The following NPAS3 variants were observed in gnomAD, a reference collection of about 807,000 sequenced individuals.
NPAS3 encodes neuronal PAS domain protein 3.
NPAS3 carries 14 observed loss-of-function variants against 73.1 expected under a neutral mutation model. The observed-to-expected ratio is 0.19, with a 90% CI of 0.13 to 0.30. The LOEUF is 0.30. Ranked by LOEUF, NPAS3 falls within the 10% of genes least tolerant of loss-of-function variation. The probability of loss-of-function intolerance (pLI) is 1.00; values close to 1 mark genes in which losing one functional copy is unlikely to be tolerated. For missense variants in NPAS3, 1,096 were observed against 1,250.0 expected, an observed-to-expected ratio of 0.88 and a Z score of 1.86; for synonymous variants, 620 against 541.5, an observed-to-expected ratio of 1.14 and a Z score of -2.01.
At chr14:33,099,760 C>G (rs145940125) in intron 2 of NPAS3, among the ~76,000 whole-genome samples, 15 of 152,038 alleles carry the variant, frequency 9.9e-5, no homozygotes, top group African/African-American at 3.6e-4. Context: ...AATTATATAC[C>G]TATGTATATA....
chr14:33,681,470 T>C (rs922890956), intron 6 of NPAS3, among the ~76,000 whole-genome samples: 1 of 152,240 alleles, frequency 6.6e-6, no homozygotes. Context: ...ATGGATTTAA[T>C]ATTAGCGCTG....
chr14:33,236,912 G>A (rs1196232332), intron 3 of NPAS3, among the ~76,000 whole-genome samples: 1 of 152,012 alleles, frequency 6.6e-6, no homozygotes, highest in African/African-American at 2.4e-5. Context: ...CAGTCTTTAT[G>A]AAAGATAAAT....
At chr14:33,446,171 T>TC in intron 4 of NPAS3, among the ~76,000 whole-genome samples, 1 of 109,638 alleles carries the variant, frequency 9.1e-6, no homozygotes, top group African/African-American at 4.3e-5. Flanking sequence ...GCTTTCTTTT[T>TC]TTTTTTTTTT....
chr14:33,409,219 G>T (rs987949394), intron 4 of NPAS3, among the ~76,000 whole-genome samples: 4 of 152,152 alleles, frequency 2.6e-5, no homozygotes, highest in Non-Finnish European at 5.9e-5. Context: ...CCCACTGGGG[G>T]GTTCTGAGAT....
intron 1 of NPAS3, among the ~76,000 whole-genome samples, chr14:33,024,129 T>C (rs2138286946): frequency 7.2e-6 from 1 of 139,624 alleles, no homozygotes; most frequent in South Asian, 2.3e-4. Flanking sequence ...TATATATATG[T>C]GTGTGTGTGT....
exon 7 of NPAS3, chr14:33,735,240 A>G (rs772039656): frequency 3.1e-6 from 5 of 1,613,600 alleles, no homozygotes; most frequent in Non-Finnish European, 4.2e-6. Context: ...CAGTCTGCTA[A>G]CCACTGACAA....
At chr14:33,742,848 A>G (rs1177082987) in intron 7 of NPAS3, among the ~76,000 whole-genome samples, 2 of 152,212 alleles carry the variant, frequency 1.3e-5, no homozygotes, top group Non-Finnish European at 2.9e-5. Flanking sequence ...TGGCCATGGC[A>G]TCTTCACCAA....
chr14:33,590,405 G>C (rs1567035165), intron 5 of NPAS3, among the ~76,000 whole-genome samples: 1 of 152,092 alleles, frequency 6.6e-6, no homozygotes, highest in Non-Finnish European at 1.5e-5. Context: ...GGACACTGAG[G>C]ATTTTTGACA....
chr14:33,523,837 AACC>A (rs2053668533), intron 4 of NPAS3, among the ~76,000 whole-genome samples: 1 of 151,726 alleles, frequency 6.6e-6, no homozygotes, highest in African/African-American at 2.4e-5. Context: ...TGCTACAAAG[AACC>A]AGATCAGTGC....
At chr14:33,099,163 C>T (rs1428735412) in intron 2 of NPAS3, among the ~76,000 whole-genome samples, 1 of 152,188 alleles carries the variant, frequency 6.6e-6, no homozygotes, top group Non-Finnish European at 1.5e-5. Flanking sequence ...CATTTCTGAG[C>T]AGGCAGCATG....
chr14:33,137,546 T>G (rs1383720614), intron 2 of NPAS3, among the ~76,000 whole-genome samples: 1 of 152,190 alleles, frequency 6.6e-6, no homozygotes, highest in Admixed American at 6.5e-5. Flanking sequence ...AATATATGTG[T>G]GAGTACAAAT....
intron 2 of NPAS3, among the ~76,000 whole-genome samples, chr14:33,150,070 A>T (rs1202609852): frequency 6.6e-6 from 1 of 152,100 alleles, no homozygotes; most frequent in Non-Finnish European, 1.5e-5. Context: ...GTTTGCTGAG[A>T]ATGATGGTTT....
At chr14:33,210,604 C>T (rs895754884) in intron 2 of NPAS3, among the ~76,000 whole-genome samples, 1 of 152,128 alleles carries the variant, frequency 6.6e-6, no homozygotes, top group Non-Finnish European at 1.5e-5. Flanking sequence ...TACACATATA[C>T]TCCTGATTAA....
chr14:33,323,860 G>C (rs1217936427), intron 3 of NPAS3, among the ~76,000 whole-genome samples: 2 of 152,242 alleles, frequency 1.3e-5, no homozygotes, highest in Non-Finnish European at 1.5e-5. Flanking sequence ...CACTTCTCAA[G>C]ACAGGCAGGT....
chr14:33,555,889 G>GGTGTGT (rs142802411), intron 4 of NPAS3, among the ~76,000 whole-genome samples: 3,183 of 148,520 alleles, frequency 0.021, 34 homozygotes, highest in East Asian at 0.044. Context: ...AATTGTTGTT[G>GGTGTGT]GTGTGTCTGT....
chr14:33,190,965 TC>T (rs1555352620), intron 2 of NPAS3, among the ~76,000 whole-genome samples: 3 of 152,070 alleles, frequency 2.0e-5, no homozygotes, highest in East Asian at 1.9e-4. Context: ...GCTTATGGAT[TC>T]CCCCCCACAA....
chr14:33,116,018 C>T (rs755103775), intron 2 of NPAS3, among the ~76,000 whole-genome samples: 1 of 152,038 alleles, frequency 6.6e-6, no homozygotes, highest in Non-Finnish European at 1.5e-5. Flanking sequence ...ATTTGCAATA[C>T]ACAGATGGGA....
chr14:33,735,785 G>A (rs768313799), intron 7 of NPAS3, among the ~76,000 whole-genome samples: 9 of 151,546 alleles, frequency 5.9e-5, no homozygotes, highest in South Asian at 2.1e-4. Context: ...ACACATAGAC[G>A]AGAAAATCAG....
intron 7 of NPAS3, among the ~76,000 whole-genome samples, chr14:33,754,638 G>A (rs774499414): frequency 2.0e-5 from 3 of 152,176 alleles, no homozygotes; most frequent in Non-Finnish European, 2.9e-5. Context: ...CAGAAAGACA[G>A]AGGTACAAAC....
Sources: gnomAD v4.1 joint callset for allele counts (sites outside exome capture counted in the v4.1 genomes callset) on GRCh38, gnomAD v4.1.1 for gene constraint, MANE v1.5 for transcripts, NCBI Gene and HGNC (gene_info 2026-07-23, HGNC 2026-07-21) for gene names.